PHGR1: variants seen among roughly 807,000 people sequenced by gnomAD.
PHGR1 encodes proline, histidine and glycine rich 1.
A neutral mutation model predicts 4.9 loss-of-function variants in PHGR1; 3 were observed. The observed-to-expected ratio is 0.61, with a 90% CI of 0.28 to 1.58. The LOEUF (loss-of-function observed/expected upper bound fraction) is 1.58. Among genes scored for constraint, PHGR1 ranks in the 40% most tolerant of loss-of-function variants. The probability of loss-of-function intolerance (pLI) is 0.11; values close to 1 mark genes in which losing one functional copy is unlikely to be tolerated. For missense variants in PHGR1, 81 were observed against 118.7 expected, an observed-to-expected ratio of 0.68 and a Z score of 1.48; for synonymous variants, 32 against 46.1, an observed-to-expected ratio of 0.69 and a Z score of 1.24.
chr15:40,353,133 G>C, intron 1 of PHGR1, 99 bp from the exon 2 acceptor site: 1 of 907,680 alleles, frequency 1.1e-6, no homozygotes, highest in Non-Finnish European at 1.7e-6. Flanking sequence ...GTGTGTGTGT[G>C]TGTGTGTGTG....
intron 3 of PHGR1, among the ~76,000 whole-genome samples, chr15:40,355,728 A>G (rs1183728682): frequency 6.6e-6 from 1 of 152,194 alleles, no homozygotes; most frequent in African/African-American, 2.4e-5. Context: ...CAAAGCCTCT[A>G]ATCACTCTGC....
intron 1 of PHGR1, among the ~76,000 whole-genome samples, chr15:40,352,874 T>C (rs183015054): frequency 7.2e-5 from 11 of 152,240 alleles, no homozygotes; most frequent in African/African-American, 9.6e-5. Flanking sequence ...TGAACGGATA[T>C]TGAAATCTTC....
intron 3 of PHGR1, among the ~76,000 whole-genome samples, chr15:40,354,992 C>T (rs1391961749): frequency 6.6e-6 from 1 of 152,116 alleles, no homozygotes; most frequent in African/African-American, 2.4e-5. Flanking sequence ...CTCTTCCCCA[C>T]TGGTACCAAG....
At chr15:40,354,685 C>T (rs1160989982) in intron 3 of PHGR1, among the ~76,000 whole-genome samples, 1 of 152,200 alleles carries the variant, frequency 6.6e-6, no homozygotes, top group African/African-American at 2.4e-5. Flanking sequence ...CCTGGCTACC[C>T]CCACAGCCTT....
intron 1 of PHGR1, among the ~76,000 whole-genome samples, chr15:40,352,417 T>C (rs1257354855): frequency 6.6e-6 from 1 of 152,188 alleles, no homozygotes; most frequent in Non-Finnish European, 1.5e-5. Context: ...GAATGTACTG[T>C]ATGTTCACTG....
intron 3 of PHGR1, among the ~76,000 whole-genome samples, chr15:40,354,911 A>G (rs1054077941): frequency 1.1e-4 from 16 of 152,202 alleles, no homozygotes; most frequent in Admixed American, 3.3e-4. Context: ...GTTTCCAGGC[A>G]TCACTGAGCC....
intron 1 of PHGR1, among the ~76,000 whole-genome samples, chr15:40,351,786 G>A (rs151050516): frequency 8.7e-4 from 133 of 152,236 alleles, no homozygotes; most frequent in Non-Finnish European, 1.6e-3. Context: ...ACCCAGGCTG[G>A]AGTGCAGTGC....
chr15:40,354,316 CTTCT>C lies in PHGR1; in HGVS notation c.11-26_11-23del, dbSNP rs1182728256. On this transcript the variant is annotated intron_variant, in intron 2 of 3. Transcript: ENST00000448599. ...CTGCAGAACCAAATGACCAAAGCTG[CTTCT>C]TTTTTTTCCCTTCCTCTCCCACAGG... 10 of 1,461,516 alleles carry C rather than the reference CTTCT, an allele frequency of 6.8e-6. No individual in the cohort carries two copies. In the South Asian group the frequency reaches 1.1e-4, roughly 16 times the overall value. 90.5% of individuals were successfully genotyped at this position (1,461,516 alleles called of 1,614,324 possible).
Position 40,356,092 on chromosome 15 carries a change from G to T in PHGR1, c.38G>T (p.Gly13Val). The T allele has an allele frequency of 6.5e-7, 1 of 1,548,894 alleles. No homozygotes were observed. Reference protein sequence around the residue: ...PGPKGHCHCGGHGHPPGHCGP... With the variant: ...PGPKGHCHCGVHGHPPGHCGP... ...CCACAGGGGCACTGCCACTGTGGGG[G>T]GCATGGCCATCCTCCAGGTCACTGC... The change falls in exon 4 of 4, where the codon GGG becomes GTG. Residue 13 changes from glycine to valine, a missense_variant. Coordinates refer to ENST00000448599, the MANE Select transcript of PHGR1 (RefSeq NM_001145643.2).
chr15:40,354,976 G>A (rs1889267755), intron 3 of PHGR1, among the ~76,000 whole-genome samples: 2 of 152,098 alleles, frequency 1.3e-5, no homozygotes. Flanking sequence ...CAGCCCTGGA[G>A]CCTGCCTCTT....
chr15:40,351,580 T>G (rs534700419), intron 1 of PHGR1, among the ~76,000 whole-genome samples: 5 of 152,166 alleles, frequency 3.3e-5, no homozygotes, highest in Non-Finnish European at 7.4e-5. Context: ...TGACCTCAGC[T>G]GAACACTTTG....
Position 40,356,099 on chromosome 15 carries a change from C to T in PHGR1, c.45C>T (p.Gly15=). 6.5e-7 allele frequency: 1 copy of T among 1,549,994 alleles called. No homozygotes were observed. The highest frequency in any genetic ancestry group is 8.7e-7 in the Non-Finnish European group (1 of 1,146,842). Residue 15 remains glycine (G), a synonymous_variant, in exon 4 of 4, where the codon GGC becomes GGT. Coordinates refer to ENST00000448599, the MANE Select transcript of PHGR1 (RefSeq NM_001145643.2). ...GGCACTGCCACTGTGGGGGGCATGG[C>T]CATCCTCCAGGTCACTGCGGGCCAC... The part of the protein sequence containing the change: ...PKGHCHCGGH[G]HPPGHCGPPP...
chr15:40,355,081 T>C (rs1889270336), intron 3 of PHGR1, among the ~76,000 whole-genome samples: 1 of 151,366 alleles, frequency 6.6e-6, no homozygotes, highest in Admixed American at 6.6e-5. Context: ...CCCGCCCTGC[T>C]CCACAGGGCC....
chr15:40,353,453 C>T (rs980256819), intron 2 of PHGR1, 186 bp downstream of exon 2: 6 of 719,950 alleles, frequency 8.3e-6, no homozygotes, highest in African/African-American at 7.2e-5. Context: ...GAACATGTTA[C>T]AGTTTAAAAA....
At chr15:40,355,987 C>A in intron 3 of PHGR1, 86 bp from the exon 4 acceptor site, 1 of 1,375,698 alleles carries the variant, frequency 7.3e-7, no homozygotes, top group Non-Finnish European at 1.0e-6. Flanking sequence ...CTGAGTCCCC[C>A]AGGGAAGTGG....
At chr15:40,356,006 A>C in intron 3 of PHGR1, 67 bp from the exon 4 acceptor site, 1 of 1,473,462 alleles carries the variant, frequency 6.8e-7, no homozygotes. Context: ...GGAGTGAGGG[A>C]GAGCTGATCT....
At position 40,353,247 on chromosome 15, in the gene PHGR1, A is replaced by G. The variant is rs1889237244; in HGVS notation, c.-11A>G. The G allele has an allele frequency of 6.4e-7, 1 of 1,551,410 alleles. No homozygotes were observed. Among genetic ancestry groups the G allele is most frequent in the Non-Finnish European group, 8.7e-7 (1 of 1,146,914 alleles). Reference sequence around the variant, plus strand: ...TTGAACACAGGTATTCCCTGCTCTTACTCCAAAAAGATGGACCCAGGTAAG... The same window carrying G: ...TTGAACACAGGTATTCCCTGCTCTTGCTCCAAAAAGATGGACCCAGGTAAG... On this transcript the variant is annotated 5_prime_UTR_variant, in exon 2 of 4. Coordinates refer to ENST00000448599, the MANE Select transcript of PHGR1 (RefSeq NM_001145643.2).
intron 3 of PHGR1, among the ~76,000 whole-genome samples, chr15:40,354,591 CTCCTT>C (rs2141255203): frequency 6.6e-6 from 1 of 152,258 alleles, no homozygotes; most frequent in South Asian, 2.1e-4. Context: ...ATCTGTCTCT[CTCCTT>C]TCCTCACGTC....
At chr15:40,351,798 G>A (rs1413324799) in intron 1 of PHGR1, among the ~76,000 whole-genome samples, 2 of 152,088 alleles carry the variant, frequency 1.3e-5, no homozygotes, top group African/African-American at 2.4e-5. Flanking sequence ...GTGCAGTGCT[G>A]CAATCTCGGC....
Sources: gnomAD v4.1 joint callset for allele counts (sites outside exome capture counted in the v4.1 genomes callset) on GRCh38, gnomAD v4.1.1 for gene constraint, MANE v1.5 for transcripts, NCBI Gene and HGNC (gene_info 2026-07-23, HGNC 2026-07-21) for gene names.